Variants in NECTIN2 observed in about 807,000 individuals in gnomAD.
NECTIN2 encodes nectin cell adhesion molecule 2, also known as nectin-2.
Under a neutral mutation model 56.9 loss-of-function variants are expected in NECTIN2, and 23 were observed. That is an observed-to-expected ratio of 0.40 (90% confidence interval 0.29 to 0.57). NECTIN2 has a LOEUF of 0.57. Ranked by LOEUF, NECTIN2 falls within the 20% of genes least tolerant of loss-of-function variation. NECTIN2 has a pLI of 0.38. For synonymous variants in NECTIN2, 302 were observed against 313.8 expected, an observed-to-expected ratio of 0.96 and a Z score of 0.40; for missense variants, 587 against 718.3, an observed-to-expected ratio of 0.82 and a Z score of 2.09.
intron 1 of NECTIN2, among the ~76,000 whole-genome samples, chr19:44,859,825 CA>C (rs35459524): frequency 0.37 from 46,129 of 124,182 alleles, 7,731 homozygotes; most frequent in Non-Finnish European, 0.42. Flanking sequence ...ACTCCGTCTC[CA>C]AAAAAAAAAA....
chr19:44,861,868 G>A (rs556611771), intron 1 of NECTIN2, among the ~76,000 whole-genome samples: 5 of 152,294 alleles, frequency 3.3e-5, no homozygotes, highest in South Asian at 4.1e-4. Context: ...AGGTTGTGGA[G>A]AAATAGGAAT....
chr19:44,881,392 A>T (rs1036765018), intron 5 of NECTIN2, among the ~76,000 whole-genome samples: 3 of 152,098 alleles, frequency 2.0e-5, no homozygotes, highest in Admixed American at 1.3e-4. Context: ...GTTCTTTAAA[A>T]ACAATACAAG....
chr19:44,854,743 G>T (rs1469903958), intron 1 of NECTIN2, among the ~76,000 whole-genome samples: 1 of 152,030 alleles, frequency 6.6e-6, no homozygotes, highest in African/African-American at 2.4e-5. Flanking sequence ...AGCTGGGGAG[G>T]CGGAGGCTGT....
Position 44,888,160 on chromosome 19 carries a change from C to G in NECTIN2, c.1398C>G (p.Pro466=), listed in dbSNP as rs1969381498. The change falls in exon 9 of 9, where the codon CCC becomes CCG. Residue 466 remains proline (P), a synonymous_variant. Coordinates refer to ENST00000252483, the MANE Select transcript of NECTIN2 (RefSeq NM_001042724.2). The stretch of plus-strand genomic sequence containing the variant: ...CCACCTTGGAAGAACGGTCAGGACC[C>G]TTGCACCCTGGAGCCACAAGCCTGG... ...ELPTLEERSG[P]LHPGATSLGS... The G allele has an allele frequency of 6.2e-7, 1 of 1,614,056 alleles. No homozygotes were observed.
intron 1 of NECTIN2, among the ~76,000 whole-genome samples, chr19:44,850,683 G>A (rs929661146): frequency 6.6e-6 from 1 of 151,508 alleles, no homozygotes; most frequent in Non-Finnish European, 1.5e-5. Context: ...GAGGAGGCCA[G>A]GGGGCAGGTG....
intron 3 of NECTIN2, among the ~76,000 whole-genome samples, chr19:44,872,840 A>T (rs1305770327): frequency 6.8e-6 from 1 of 147,376 alleles, no homozygotes; most frequent in Non-Finnish European, 1.5e-5. Flanking sequence ...ATATTATATA[A>T]AATATATAAA....
chr19:44,854,165 G>A (rs1968936429), intron 1 of NECTIN2, among the ~76,000 whole-genome samples: 1 of 152,032 alleles, frequency 6.6e-6, no homozygotes, highest in Non-Finnish European at 1.5e-5. Context: ...GAGTGCAGTG[G>A]CGCAATCTCA....
intron 1 of NECTIN2, among the ~76,000 whole-genome samples, chr19:44,857,711 G>C (rs1808665): frequency 6.9e-6 from 1 of 144,182 alleles, no homozygotes; most frequent in East Asian, 2.0e-4. Flanking sequence ...TTTTGTTTTT[G>C]TTTTTTTTTT....
intron 2 of NECTIN2, among the ~76,000 whole-genome samples, chr19:44,871,445 T>G (rs1325227431): frequency 6.6e-6 from 1 of 152,052 alleles, no homozygotes; most frequent in African/African-American, 2.4e-5. Context: ...GGAGGATCAC[T>G]TGAGCCTAGG....
chr19:44,882,287 T>C lies in NECTIN2; in HGVS notation c.1119T>C (p.Ala373=), dbSNP rs1422948699. The C allele has an allele frequency of 1.3e-6, 2 of 1,567,640 alleles. No individual in the cohort carries two copies. Among genetic ancestry groups the C allele is most frequent in the African/African-American group, 1.4e-5 (1 of 72,764 alleles). ...GGIIAAIIAT[A]VAATGILICR... is the part of the protein sequence containing the mutation. ...TCATCGCCGCCATCATTGCTACTGC[T>C]GTGGCTGCCACGGGCATCCTTATCT... is the stretch of plus-strand genomic sequence containing the variant. Residue 373 remains alanine, a synonymous_variant, in exon 6 of 9, where the codon GCT becomes GCC. Transcript: ENST00000252483.
At position 44,888,439 on chromosome 19, in the gene NECTIN2, G is replaced by A; in HGVS notation, c.*60G>A. 6.5e-7 allele frequency: 1 copy of A among 1,548,224 alleles called. No homozygotes were observed. Among genetic ancestry groups the A allele is most frequent in the Non-Finnish European group, 8.8e-7 (1 of 1,137,738 alleles). On this transcript the variant is annotated 3_prime_UTR_variant, in exon 9 of 9. Transcript: ENST00000252483. ...TTGATCCCTTAGCTTTCTTGCCAAG[G>A]ATCTAGTGCCCCCTGACCTCTGGCC...
At position 44,865,676 on chromosome 19, in the gene NECTIN2, G is replaced by A. The variant is rs1969092713; in HGVS notation, c.478+16G>A. 2 of 1,499,056 alleles carry A rather than the reference G, an allele frequency of 1.3e-6. No individual in the cohort carries two copies. Among genetic ancestry groups the A allele is most frequent in the Middle Eastern group, 1.8e-4 (1 of 5,504 alleles). The allele number at this position is 1,499,056 out of a possible 1,614,324, so 92.9% of individuals were successfully genotyped here. A position where few individuals can be genotyped will look rare whatever the true frequency, so the allele number is the denominator to read the frequency against. ...AGAGTCATAGGTGAGCAGGGTAAGG[G>A]CGGGAGGCAAGGAGGTGGGAGGGCC... is the stretch of plus-strand genomic sequence containing the variant. On this transcript the variant is annotated intron_variant, in intron 2 of 8. Transcript: ENST00000252483. This position sits in a 1 kb window ranked among gnomAD's most constrained non-coding sequence, Gnocchi z 5.2.
At chr19:44,851,612 C>A (rs1232576162) in intron 1 of NECTIN2, among the ~76,000 whole-genome samples, 2 of 152,224 alleles carry the variant, frequency 1.3e-5, no homozygotes, top group Non-Finnish European at 2.9e-5. Context: ...ACTCTGCCAC[C>A]ACAGGAAGCC....
chr19:44,880,071 G>A (rs576665864), intron 5 of NECTIN2, among the ~76,000 whole-genome samples: 78 of 152,308 alleles, frequency 5.1e-4, no homozygotes, highest in African/African-American at 1.8e-3. Context: ...ACAGTCCAGC[G>A]TCCTCTGGAA....
intron 2 of NECTIN2, among the ~76,000 whole-genome samples, chr19:44,870,521 G>C (rs1306435963): frequency 1.3e-5 from 2 of 152,008 alleles, no homozygotes; most frequent in Non-Finnish European, 2.9e-5. Context: ...TTTTGTTTTT[G>C]TGATTTTTTT....
At chr19:44,884,452 G>T (rs922806251) in intron 6 of NECTIN2, among the ~76,000 whole-genome samples, 1 of 152,188 alleles carries the variant, frequency 6.6e-6, no homozygotes, top group Admixed American at 6.5e-5. Context: ...ACCATGCCCA[G>T]CCTGGAATCT....
rs998560501 is a variant in NECTIN2 at position 44,846,517 on chromosome 19, G to T, written c.-9G>T. ...CTCCGGCCGGGCCCAGTCCCCTCCC[G>T]GGCCCTCCATGGCCCGGGCCGCTGC... On this transcript the variant is annotated 5_prime_UTR_variant, in exon 1 of 9. Transcript: ENST00000252483. 1 of 1,503,262 alleles carries T rather than the reference G, an allele frequency of 6.7e-7. No individual in the cohort carries two copies. The highest frequency in any genetic ancestry group is 8.8e-7 in the Non-Finnish European group (1 of 1,133,578). The allele number at this position is 1,503,262 out of a possible 1,614,324, so 93.1% of individuals were successfully genotyped here.
chr19:44,873,716 T>C (rs1969203355), intron 3 of NECTIN2, among the ~76,000 whole-genome samples, 200 bp from the exon 4 acceptor site: 1 of 152,054 alleles, frequency 6.6e-6, no homozygotes, highest in African/African-American at 2.4e-5. Flanking sequence ...TCCCACAAAA[T>C]TATCCACAGT....
chr19:44,873,808 C>G (rs1299175329), intron 3 of NECTIN2, 108 bp from the exon 4 acceptor site: 1 of 797,262 alleles, frequency 1.3e-6, no homozygotes, highest in Admixed American at 1.9e-5. Flanking sequence ...GACTGCTGTA[C>G]CTCCTGCCAA....
Sources: gnomAD v4.1 joint callset for allele counts (sites outside exome capture counted in the v4.1 genomes callset) on GRCh38, gnomAD v4.1.1 for gene constraint, Gnocchi (gnomAD v3.1) non-coding constraint, MANE v1.5 for transcripts, NCBI Gene and HGNC (gene_info 2026-07-23, HGNC 2026-07-21) for gene names.